The following GNAI1 variants were observed in gnomAD, a reference collection of about 807,000 sequenced individuals.
GNAI1 encodes the protein guanine nucleotide-binding protein G(i) subunit alpha-1.
GNAI1 carries 11 observed loss-of-function variants against 38.9 expected under a neutral mutation model. That is an observed-to-expected ratio of 0.28 (90% CI 0.18 to 0.47). The LOEUF is 0.47. Ranked by LOEUF, GNAI1 falls within the 20% of genes least tolerant of loss-of-function variation. The pLI is 0.99. For missense variants in GNAI1, 317 were observed against 436.9 expected (o/e 0.73, Z 2.45); for synonymous variants, 166 against 145.1 (o/e 1.14, Z -1.04).
At chr7:80,173,389 A>C (rs926753456) in intron 1 of GNAI1, among the ~76,000 whole-genome samples, 1 of 152,190 alleles carries the variant, frequency 6.6e-6, no homozygotes, top group Admixed American at 6.5e-5. Flanking sequence ...AGTTATTTTA[A>C]TTTATCCTGT....
At chr7:80,206,210 T>C (rs1309781802) in intron 5 of GNAI1, among the ~76,000 whole-genome samples, 1 of 152,052 alleles carries the variant, frequency 6.6e-6, no homozygotes, top group Non-Finnish European at 1.5e-5. Context: ...CAATTTTTCA[T>C]GGCTACTTCT....
At chr7:80,180,687 TA>T (rs1434822719) in intron 1 of GNAI1, among the ~76,000 whole-genome samples, 8 of 152,126 alleles carry the variant, frequency 5.3e-5, no homozygotes, top group African/African-American at 1.2e-4. Context: ...CTGGCTCTCA[TA>T]GCTGGGAAAT....
At chr7:80,141,347 T>C (rs1376913454) in intron 1 of GNAI1, among the ~76,000 whole-genome samples, 1 of 152,122 alleles carries the variant, frequency 6.6e-6, no homozygotes, top group Non-Finnish European at 1.5e-5. Context: ...ATAGGTGAGA[T>C]TCTGGGTGTA....
rs75927672 is a variant in GNAI1 at position 80,190,517 on chromosome 7, G to A, written c.303+1286G>A. Among the ~76,000 whole-genome samples the A allele has an allele frequency of 2.0e-3, 304 of 152,024 alleles. 10 individuals are homozygous for A. In the East Asian group the frequency reaches 0.049, roughly 24 times the overall value. ...CTTGAGATGATCAAATCTTATTTCA[G>A]AAAAGACATTTTAAAAGAACATTAT... is the stretch of plus-strand genomic sequence containing the variant. On this transcript the variant is annotated intron_variant, in intron 3 of 7. Coordinates refer to ENST00000649796, the MANE Select transcript of GNAI1 (RefSeq NM_002069.6).
chr7:80,137,779 G>T (rs925267491), intron 1 of GNAI1, among the ~76,000 whole-genome samples: 1 of 152,122 alleles, frequency 6.6e-6, no homozygotes, highest in African/African-American at 2.4e-5. Context: ...GGCTGTCCCT[G>T]CTGGCCCAGC....
chr7:80,179,819 G>A (rs1162911206), intron 1 of GNAI1, among the ~76,000 whole-genome samples: 1 of 152,112 alleles, frequency 6.6e-6, no homozygotes, highest in East Asian at 1.9e-4. Context: ...ACAAGAAGTG[G>A]GTTATGTTAT....
intron 1 of GNAI1, among the ~76,000 whole-genome samples, chr7:80,141,411 C>G (rs936765340): frequency 4.6e-5 from 7 of 152,126 alleles, no homozygotes; most frequent in South Asian, 4.1e-4. Flanking sequence ...AACTAGCAAA[C>G]AAGTTATCTG....
chr7:80,171,338 G>A (rs76747637), intron 1 of GNAI1, among the ~76,000 whole-genome samples: 3,920 of 152,066 alleles, frequency 0.026, 87 homozygotes, highest in Non-Finnish European at 0.038. Context: ...GTGTCAATGC[G>A]TGTGAAATAG....
chr7:80,152,661 T>A (rs537843829), intron 1 of GNAI1, among the ~76,000 whole-genome samples: 2 of 150,230 alleles, frequency 1.3e-5, no homozygotes, highest in Non-Finnish European at 3.0e-5. Context: ...TCCGGGTTCA[T>A]GCCATTCTCC....
At chr7:80,181,428 A>G (rs760662895) in intron 1 of GNAI1, among the ~76,000 whole-genome samples, 21 of 152,344 alleles carry the variant, frequency 1.4e-4, no homozygotes, top group Non-Finnish European at 2.4e-4. Context: ...TTATCACTAT[A>G]CAAATAAAAA....
intron 1 of GNAI1, among the ~76,000 whole-genome samples, chr7:80,162,764 C>T (rs573367563): frequency 6.6e-6 from 1 of 152,272 alleles, no homozygotes; most frequent in Admixed American, 6.5e-5. Context: ...TATTCAGCCA[C>T]ACACTGGGAT....
At chr7:80,178,572 C>T (rs1788235274) in intron 1 of GNAI1, among the ~76,000 whole-genome samples, 1 of 152,148 alleles carries the variant, frequency 6.6e-6, no homozygotes. Context: ...AAGATGATGA[C>T]TCGCTGAAGG....
chr7:80,197,432 T>C (rs534059873), intron 3 of GNAI1, among the ~76,000 whole-genome samples: 8 of 151,986 alleles, frequency 5.3e-5, no homozygotes, highest in Non-Finnish European at 1.0e-4. Context: ...TAGTCTTTTT[T>C]TGTCAAAAAA....
At position 80,184,958 on chromosome 7, in the gene GNAI1, A is replaced by AG. The variant is rs201211817; in HGVS notation, c.119-3992dup. Among the ~76,000 whole-genome samples, 54 of 152,322 alleles carry AG rather than the reference A, an allele frequency of 3.5e-4. 1 individual carries two copies. In the East Asian group the frequency reaches 9.7e-3, roughly 27 times the overall value. ...TGCCGGCCACTTAGTCACCTTGACC[A>AG]GCCAGGTTTCGTGACTGCAAATGGT... On this transcript the variant is annotated intron_variant, in intron 1 of 7. Coordinates refer to ENST00000649796, the MANE Select transcript of GNAI1 (RefSeq NM_002069.6).
intron 4 of GNAI1, among the ~76,000 whole-genome samples, chr7:80,199,817 A>G (rs1217054555): frequency 6.6e-6 from 1 of 152,066 alleles, no homozygotes; most frequent in Admixed American, 6.6e-5. Context: ...GTAAGTAGGG[A>G]TTTTTTGAAG....
intron 1 of GNAI1, among the ~76,000 whole-genome samples, chr7:80,175,298 A>G (rs1487357965): frequency 6.6e-6 from 1 of 152,170 alleles, no homozygotes; most frequent in Non-Finnish European, 1.5e-5. Flanking sequence ...CAAGACTGAA[A>G]TCCTTTTCTG....
intron 1 of GNAI1, among the ~76,000 whole-genome samples, chr7:80,156,831 CTAT>C (rs1236019212): frequency 6.6e-6 from 1 of 152,092 alleles, no homozygotes; most frequent in African/African-American, 2.4e-5. Context: ...GTTCACAGTA[CTAT>C]TGAGCAGAGA....
At chr7:80,145,632 T>C (rs1041330418) in intron 1 of GNAI1, among the ~76,000 whole-genome samples, 1 of 152,230 alleles carries the variant, frequency 6.6e-6, no homozygotes, top group Non-Finnish European at 1.5e-5. Flanking sequence ...TCTACTTCTT[T>C]ATTTTCTGGC....
At chr7:80,165,748 A>C (rs1356562528) in intron 1 of GNAI1, among the ~76,000 whole-genome samples, 1 of 152,156 alleles carries the variant, frequency 6.6e-6, no homozygotes, top group African/African-American at 2.4e-5. Flanking sequence ...TAAAAACTAG[A>C]TTACCAAAGA....
Sources: gnomAD v4.1 joint callset for allele counts (sites outside exome capture counted in the v4.1 genomes callset) on GRCh38, gnomAD v4.1.1 for gene constraint, MANE v1.5 for transcripts, NCBI Gene and HGNC (gene_info 2026-07-23, HGNC 2026-07-21) for gene names.